PIGN: variants seen among roughly 807,000 people sequenced by gnomAD.
PIGN encodes the protein phosphatidylinositol glycan anchor biosynthesis class N.
Under a neutral mutation model 125.4 loss-of-function variants are expected in PIGN, and 117 were observed. The ratio of observed to expected loss-of-function variants is 0.93; its 90% CI spans 0.80 to 1.09. PIGN has a LOEUF of 1.09. Among genes scored for constraint, PIGN ranks in the 50% least tolerant of loss-of-function variants. The pLI is 0.00. For missense variants in PIGN, 1,075 were observed against 1,094.9 expected (o/e 0.98, Z 0.26); for synonymous variants, 392 against 377.8 (o/e 1.04, Z -0.44).
chr18:62,046,098 G>T, intron 30 of PIGN, 119 bp from the exon 31 acceptor site: 2 of 1,043,486 alleles, frequency 1.9e-6, no homozygotes. Flanking sequence ...AGCTGGAGTG[G>T]GTGTTCTTTA....
intron 14 of PIGN, among the ~76,000 whole-genome samples, chr18:62,119,562 G>A (rs1035683535): frequency 6.6e-6 from 1 of 151,546 alleles, no homozygotes; most frequent in Non-Finnish European, 1.5e-5. Context: ...ACCTTGCCTG[G>A]GCTGGGTGCG....
intron 1 of PIGN, among the ~76,000 whole-genome samples, chr18:62,165,962 T>C (rs373008536): frequency 3.3e-5 from 5 of 152,102 alleles, no homozygotes; most frequent in South Asian, 4.1e-4. Context: ...ATACTAACTT[T>C]GAAGAAAAGA....
intron 7 of PIGN, among the ~76,000 whole-genome samples, chr18:62,150,581 T>G (rs536844286): frequency 6.6e-6 from 1 of 152,206 alleles, no homozygotes; most frequent in South Asian, 2.1e-4. Flanking sequence ...CAAAAAGACA[T>G]AGACTGTATG....
intron 30 of PIGN, among the ~76,000 whole-genome samples, chr18:62,051,255 A>G (rs371590940): frequency 1.3e-5 from 2 of 152,112 alleles, no homozygotes; most frequent in Non-Finnish European, 2.9e-5. Context: ...TCTATTGATT[A>G]GAGTAGTTTC....
chr18:62,123,578 T>G (rs2035391134), intron 14 of PIGN: 1 of 152,134 alleles, frequency 6.6e-6, no homozygotes, highest in Non-Finnish European at 1.5e-5. Context: ...GTGAGGAAAC[T>G]GAAAGATATT....
At chr18:62,081,383 A>G (rs1203619270) in intron 28 of PIGN, among the ~76,000 whole-genome samples, 1 of 152,156 alleles carries the variant, frequency 6.6e-6, no homozygotes, top group South Asian at 2.1e-4. Context: ...TAGGAAGAAA[A>G]GGCATCACTG....
At position 62,090,505 on chromosome 18, in the gene PIGN, G is replaced by A; in HGVS notation, c.2254C>T (p.Gln752Ter). Residue 752 changes from glutamine (Q) to a stop codon, truncating the protein, a stop_gained, in exon 24 of 31, where the codon CAA (glutamine) becomes TAA (stop). Transcript: ENST00000640252. LOFTEE classifies it high-confidence loss of function. Reference sequence around the variant, plus strand: ...TGTTTACAGCAAACACCAGATTGTTGTAGAGTTTCTTGTTCTATGTTTATC... The same window carrying A: ...TGTTTACAGCAAACACCAGATTGTTATAGAGTTTCTTGTTCTATGTTTATC... Reference protein sequence around the residue: ...VWINIEQETLQQSGVCCKQKL... With the variant: ...VWINIEQETL The A allele has an allele frequency of 6.2e-7, 1 of 1,609,234 alleles. No homozygotes were observed. The highest frequency in any genetic ancestry group is 8.5e-7 in the Non-Finnish European group (1 of 1,177,536).
chr18:62,183,381 C>T (rs2037785151), intron 1 of PIGN, among the ~76,000 whole-genome samples: 1 of 152,118 alleles, frequency 6.6e-6, no homozygotes, highest in African/African-American at 2.4e-5. Context: ...TCATAGCACT[C>T]CCCTTTACTT....
At chr18:62,024,419 T>G (rs1249690210) in intron 23 of PIGN, among the ~76,000 whole-genome samples, 3 of 152,208 alleles carry the variant, frequency 2.0e-5, no homozygotes, top group Non-Finnish European at 4.4e-5. Flanking sequence ...CCTCTAGCAG[T>G]AGAAACTCCA....
chr18:62,160,005 C>T (rs994519426), intron 4 of PIGN, among the ~76,000 whole-genome samples: 10 of 151,956 alleles, frequency 6.6e-5, no homozygotes, highest in Admixed American at 5.2e-4. Context: ...CCCAGCTACT[C>T]GGGAGGCTGA....
chr18:62,072,426 T>C, intron 30 of PIGN: 3 of 318,508 alleles, frequency 9.4e-6, no homozygotes. Context: ...ACCTTTTCTA[T>C]GTGTAGATAC....
chr18:62,149,321 A>C (rs1200416471), intron 7 of PIGN, among the ~76,000 whole-genome samples: 1 of 151,994 alleles, frequency 6.6e-6, no homozygotes, highest in African/African-American at 2.4e-5. Context: ...ATTGCCCCCT[A>C]ACTTTCATAT....
At chr18:62,084,489 C>A in intron 27 of PIGN, 42 bp downstream of exon 27, 3 of 1,224,026 alleles carry the variant, frequency 2.5e-6, no homozygotes, top group South Asian at 2.8e-5. Flanking sequence ...TAATCTTAAT[C>A]AATCAATAGC....
In PIGN at chr18:62,172,188, C is replaced by T. The variant is rs535060486; in HGVS notation, c.-235-8532G>A. 1.7e-3 allele frequency among the ~76,000 whole-genome samples: 264 copies of T among 152,102 alleles called. 3 individuals are homozygous for T. The highest frequency in any genetic ancestry group is 0.014 in the South Asian group (66 of 4,816). Reference sequence around the variant, plus strand: ...ATCTATTACTTCTTAAGTAAGCTTTCGTAGTTTTTAAGGAATTTATCCATT... The same window carrying T: ...ATCTATTACTTCTTAAGTAAGCTTTTGTAGTTTTTAAGGAATTTATCCATT... On this transcript the variant is annotated intron_variant, in intron 1 of 30. Coordinates refer to ENST00000640252, the MANE Select transcript of PIGN (RefSeq NM_176787.5).
intron 28 of PIGN, among the ~76,000 whole-genome samples, chr18:62,078,775 T>C (rs962974575): frequency 6.6e-5 from 10 of 152,258 alleles, no homozygotes; most frequent in Non-Finnish European, 1.2e-4. Flanking sequence ...AATACCTTTT[T>C]ATTCAAGAGA....
At chr18:62,114,838 GAC>G (rs1365446752) in intron 14 of PIGN, among the ~76,000 whole-genome samples, 199 bp from the exon 15 acceptor site, 3 of 152,126 alleles carry the variant, frequency 2.0e-5, no homozygotes. Flanking sequence ...TGGTTTTCTT[GAC>G]TCGAAGTTTC....
chr18:62,120,117 A>G (rs1347174221), intron 14 of PIGN, among the ~76,000 whole-genome samples: 1 of 152,166 alleles, frequency 6.6e-6, no homozygotes, highest in East Asian at 1.9e-4. Context: ...ACAAACCCCA[A>G]GCAAAATAAG....
At chr18:62,076,080 C>T (rs185269226) in intron 28 of PIGN, 3,843 of 152,134 alleles carry the variant, frequency 0.025, 57 homozygotes, top group Middle Eastern at 0.084. Context: ...GGACTACAGG[C>T]ACCCGCCACA....
At chr18:62,144,210 G>A (rs2036238586) in intron 10 of PIGN, among the ~76,000 whole-genome samples, 1 of 152,076 alleles carries the variant, frequency 6.6e-6, no homozygotes, top group African/African-American at 2.4e-5. Flanking sequence ...GAAATCAAAT[G>A]CCAAAATAAA....
Sources: allele counts gnomAD v4.1 joint callset (sites outside exome capture counted in the v4.1 genomes callset), GRCh38; gene constraint gnomAD v4.1.1; transcripts MANE v1.5; gene names NCBI Gene and HGNC (gene_info 2026-07-23, HGNC 2026-07-21).